Variants in NELL2 observed in about 807,000 individuals in gnomAD.
NELL2 encodes the protein neural EGFL like 2.
A neutral mutation model predicts 109.6 loss-of-function variants in NELL2; 41 were observed. The observed-to-expected ratio is 0.37, with a 90% CI of 0.29 to 0.49. The LOEUF is 0.49. Ranked by LOEUF, NELL2 falls within the 20% of genes least tolerant of loss-of-function variation. NELL2 has a pLI of 0.98. For missense variants in NELL2, 900 were observed against 1,008.3 expected (o/e 0.89, Z 1.45); for synonymous variants, 355 against 344.7 (o/e 1.03, Z -0.33).
In NELL2 at chr12:44,865,826, TA is replaced by T. The variant is rs71435994; in HGVS notation, c.184+9398del. Among the ~76,000 whole-genome samples the T allele has an allele frequency of 4.6e-3, 662 of 142,548 alleles. 6 individuals carry two copies. Among genetic ancestry groups the T allele is most frequent in the African/African-American group, 0.015 (583 of 38,352 alleles). 93.5% of individuals were successfully genotyped at this position (142,548 alleles called of 152,430 possible). On this transcript the variant is annotated intron_variant, in intron 2 of 19. Coordinates refer to ENST00000429094, the MANE Select transcript of NELL2 (RefSeq NM_001145108.2). Reference sequence around the variant, plus strand: ...CTTTAAGTATAATAAAAAAAAAAATTAAAAAAAAAAAGTTTTAACAAATTTA... The same window carrying T: ...CTTTAAGTATAATAAAAAAAAAAATTAAAAAAAAAAGTTTTAACAAATTTA...
chr12:44,899,068 A>AAAAAAAAAC (rs147507365), intron 1 of NELL2, among the ~76,000 whole-genome samples: 2 of 132,634 alleles, frequency 1.5e-5, no homozygotes, highest in African/African-American at 6.2e-5. Context: ...AAAAAGAATG[A>AAAAAAAAAC]AAAAAAAACA....
chr12:44,703,635 TC>T (rs1937680764), intron 12 of NELL2, 90 bp downstream of exon 12: 1 of 1,350,972 alleles, frequency 7.4e-7, no homozygotes. Flanking sequence ...AATGGGCCCA[TC>T]AACTTGACAA....
chr12:44,714,861 C>G, intron 9 of NELL2, 120 bp from the exon 10 acceptor site: 1 of 495,550 alleles, frequency 2.0e-6, no homozygotes, highest in Non-Finnish European at 3.5e-6. Flanking sequence ...GTATGACTAA[C>G]CAGAAACCTC....
chr12:44,876,607 C>T (rs1159673491), upstream of NELL2: 1 of 1,549,596 alleles, frequency 6.5e-7, no homozygotes, highest in African/African-American at 1.4e-5. Context: ...TTGCTCTCAC[C>T]CCTCGATTTC....
chr12:44,724,705 T>C (rs776008591), intron 9 of NELL2, among the ~76,000 whole-genome samples: 1 of 151,048 alleles, frequency 6.6e-6, no homozygotes, highest in African/African-American at 2.4e-5. Context: ...TATTCAGTGG[T>C]ATTCCTATAA....
intron 13 of NELL2, among the ~76,000 whole-genome samples, chr12:44,627,552 CACACAG>C (rs1323084504): frequency 6.6e-6 from 1 of 152,038 alleles, no homozygotes; most frequent in Non-Finnish European, 1.5e-5. Context: ...CTTGAGAATA[CACACAG>C]ACACAAACAA....
intron 3 of NELL2, among the ~76,000 whole-genome samples, chr12:44,797,086 T>TA (rs1198064831): frequency 6.6e-6 from 1 of 151,676 alleles, no homozygotes; most frequent in Non-Finnish European, 1.5e-5. Context: ...AAGGAAAGGG[T>TA]ATAATAAAGC....
chr12:44,900,504 G>A (rs1945648605), intron 1 of NELL2, among the ~76,000 whole-genome samples: 1 of 152,148 alleles, frequency 6.6e-6, no homozygotes, highest in Non-Finnish European at 1.5e-5. Flanking sequence ...ACCTGCTCCT[G>A]AATGACTACT....
At chr12:44,755,938 GA>G (rs2136537469) in intron 9 of NELL2, among the ~76,000 whole-genome samples, 1 of 152,294 alleles carries the variant, frequency 6.6e-6, no homozygotes, top group Admixed American at 6.5e-5. Flanking sequence ...CCAGATGGAT[GA>G]ATAGCACAAC....
intron 15 of NELL2, among the ~76,000 whole-genome samples, chr12:44,598,691 A>G (rs1026619465): frequency 4.6e-5 from 7 of 152,202 alleles, no homozygotes; most frequent in Non-Finnish European, 1.0e-4. Flanking sequence ...CCTCATTGAA[A>G]AAATGAAAAT....
intron 2 of NELL2, among the ~76,000 whole-genome samples, chr12:44,836,576 T>G (rs1259236486): frequency 1.3e-5 from 2 of 152,104 alleles, no homozygotes; most frequent in Non-Finnish European, 2.9e-5. Context: ...CAGAAGAAAC[T>G]CAGGGATCCC....
chr12:44,811,366 A>T (rs71459266), intron 3 of NELL2, among the ~76,000 whole-genome samples: 1 of 148,168 alleles, frequency 6.7e-6, no homozygotes, highest in Non-Finnish European at 1.5e-5. Context: ...AAAATTAAAG[A>T]CATTATATGT....
chr12:44,769,084 C>T (rs556693871), intron 9 of NELL2, among the ~76,000 whole-genome samples: 7 of 152,148 alleles, frequency 4.6e-5, no homozygotes, highest in African/African-American at 1.4e-4. Flanking sequence ...TCTCTGATTC[C>T]ATTTTATCAG....
intron 2 of NELL2, among the ~76,000 whole-genome samples, chr12:44,837,451 C>T (rs1053338325): frequency 2.0e-5 from 3 of 152,110 alleles, no homozygotes; most frequent in South Asian, 4.1e-4. Flanking sequence ...TTAGGTTTTC[C>T]GCTGATAAGT....
At chr12:44,821,046 TACACACACACAC>T (rs10664645) in intron 2 of NELL2, among the ~76,000 whole-genome samples, 3 of 148,854 alleles carry the variant, frequency 2.0e-5, no homozygotes, top group African/African-American at 7.4e-5. Flanking sequence ...GCTTTATAAA[TACACACACACAC>T]ACACACACAC....
intron 13 of NELL2, among the ~76,000 whole-genome samples, chr12:44,618,331 T>A (rs1258302978): frequency 6.6e-6 from 1 of 152,176 alleles, no homozygotes; most frequent in Non-Finnish European, 1.5e-5. Flanking sequence ...TTGTTCTGAT[T>A]TTCTTCTCCT....
chr12:44,643,193 G>A (rs1946926136), intron 13 of NELL2, among the ~76,000 whole-genome samples: 1 of 152,062 alleles, frequency 6.6e-6, no homozygotes, highest in East Asian at 1.9e-4. Flanking sequence ...TATCAGGGAG[G>A]ATTACAAAAG....
chr12:44,516,487 T>C (rs1028763146), intron 19 of NELL2, among the ~76,000 whole-genome samples: 2 of 152,194 alleles, frequency 1.3e-5, no homozygotes, highest in Non-Finnish European at 2.9e-5. Flanking sequence ...TTAGAAATTA[T>C]TAGGAGAAAC....
intron 15 of NELL2, among the ~76,000 whole-genome samples, chr12:44,605,373 A>G (rs1421001657): frequency 1.3e-5 from 2 of 152,196 alleles, no homozygotes; most frequent in Non-Finnish European, 2.9e-5. Flanking sequence ...TGCCCAAGGC[A>G]ACATAACATA....
Sources: allele counts gnomAD v4.1 joint callset (sites outside exome capture counted in the v4.1 genomes callset), GRCh38; gene constraint gnomAD v4.1.1; transcripts MANE v1.5; gene names NCBI Gene and HGNC (gene_info 2026-07-23, HGNC 2026-07-21).